DOCK3: variants seen among roughly 807,000 people sequenced by gnomAD.
DOCK3 encodes the protein dedicator of cytokinesis 3, also known as dedicator of cytokinesis protein 3.
DOCK3 carries 60 observed loss-of-function variants against 265.6 expected under a neutral mutation model. That is an observed-to-expected ratio of 0.23 (90% CI 0.18 to 0.28). The LOEUF is 0.28. DOCK3 is among the 10% of genes least tolerant of loss of function. The pLI is 1.00. For synonymous variants in DOCK3, 881 were observed against 938.0 expected, an observed-to-expected ratio of 0.94 and a Z score of 1.11; for missense variants, 1,981 against 2,594.3, an observed-to-expected ratio of 0.76 and a Z score of 5.14.
At chr3:51,217,171 G>A (rs1021756110) in intron 14 of DOCK3, among the ~76,000 whole-genome samples, 1 of 149,256 alleles carries the variant, frequency 6.7e-6, no homozygotes, top group Non-Finnish European at 1.5e-5. Context: ...TTTTTGGTCA[G>A]GATGGCCCAG....
chr3:50,731,636 A>C (rs1217635219), intron 1 of DOCK3, among the ~76,000 whole-genome samples: 1 of 152,236 alleles, frequency 6.6e-6, no homozygotes, highest in Non-Finnish European at 1.5e-5. Context: ...ATCTTAGTAT[A>C]TGCAGAAAAA....
chr3:51,002,695 A>G (rs1159180616), intron 5 of DOCK3, among the ~76,000 whole-genome samples: 9 of 152,186 alleles, frequency 5.9e-5, no homozygotes, highest in African/African-American at 1.4e-4. Flanking sequence ...GACAAATTCA[A>G]TTTGTTAAAA....
At chr3:50,897,542 G>A (rs997441608) in intron 4 of DOCK3, among the ~76,000 whole-genome samples, 4 of 151,212 alleles carry the variant, frequency 2.6e-5, no homozygotes, top group African/African-American at 9.9e-5. Context: ...GTGAGAGAGG[G>A]CATCCTTGTC....
At chr3:51,073,646 G>T (rs956463486) in intron 6 of DOCK3, among the ~76,000 whole-genome samples, 3 of 151,880 alleles carry the variant, frequency 2.0e-5, no homozygotes, top group African/African-American at 7.3e-5. Context: ...TAAAACTGTG[G>T]GTTATTTTTA....
intron 5 of DOCK3, among the ~76,000 whole-genome samples, chr3:51,021,111 T>C (rs765632552): frequency 2.0e-5 from 3 of 151,994 alleles, no homozygotes; most frequent in Non-Finnish European, 4.4e-5. Flanking sequence ...GCATGGAATA[T>C]TTTTCCATTT....
intron 51 of DOCK3, among the ~76,000 whole-genome samples, chr3:51,378,793 T>C (rs1372603040): frequency 1.3e-5 from 2 of 152,250 alleles, no homozygotes; most frequent in African/African-American, 4.8e-5. Context: ...GACAGTATTC[T>C]GGCAGTGGAC....
chr3:51,249,395 CG>C, intron 22 of DOCK3, among the ~76,000 whole-genome samples: 1 of 139,080 alleles, frequency 7.2e-6, no homozygotes, highest in Non-Finnish European at 1.6e-5. Context: ...GCCCCCCGCC[CG>C]GCCAGCCGCC....
intron 11 of DOCK3, among the ~76,000 whole-genome samples, chr3:51,160,098 A>G (rs1045442448): frequency 1.3e-5 from 2 of 152,218 alleles, no homozygotes; most frequent in Non-Finnish European, 2.9e-5. Flanking sequence ...TCAGTCCCAC[A>G]ATTGTTCAAG....
chr3:50,715,281 C>A (rs760861176), intron 1 of DOCK3, among the ~76,000 whole-genome samples: 1 of 152,104 alleles, frequency 6.6e-6, no homozygotes, highest in Admixed American at 6.5e-5. Flanking sequence ...GGCGTGGTGG[C>A]GGCTCATGCC....
chr3:50,992,543 C>T (rs755734197), intron 5 of DOCK3, among the ~76,000 whole-genome samples: 15 of 152,170 alleles, frequency 9.9e-5, no homozygotes, highest in African/African-American at 1.7e-4. Context: ...GTGATCCGCA[C>T]GCCTCAGCCT....
At chr3:50,940,879 A>G (rs1482465692) in intron 5 of DOCK3, among the ~76,000 whole-genome samples, 1 of 152,190 alleles carries the variant, frequency 6.6e-6, no homozygotes, top group Non-Finnish European at 1.5e-5. Flanking sequence ...TTCATAGGCA[A>G]AAGGAAAAAA....
At chr3:51,054,725 C>T (rs189157160) in intron 5 of DOCK3, among the ~76,000 whole-genome samples, 3 of 152,238 alleles carry the variant, frequency 2.0e-5, no homozygotes, top group African/African-American at 7.2e-5. Context: ...CATTATTTTA[C>T]TGTTTTTTAA....
At chr3:50,761,031 T>C (rs923725286) in intron 1 of DOCK3, among the ~76,000 whole-genome samples, 8 of 152,186 alleles carry the variant, frequency 5.3e-5, no homozygotes, top group Middle Eastern at 3.4e-3. Flanking sequence ...CTGCCTGCCT[T>C]GGCTTCCCAA....
chr3:50,985,813 A>C (rs985975235), intron 5 of DOCK3, among the ~76,000 whole-genome samples: 1 of 151,584 alleles, frequency 6.6e-6, no homozygotes, highest in Non-Finnish European at 1.5e-5. Flanking sequence ...TTTAAATTTA[A>C]ATTTATTTAT....
rs185684525 is a variant in DOCK3 at position 50,928,446 on chromosome 3, G to T, written c.219-5535G>T. On this transcript the variant is annotated intron_variant, in intron 4 of 52. Transcript: ENST00000266037. ...TATTTCACTAGCATAGTGCTTTCAT[G>T]ATTCATCTATGTTGTAGAATGTATT... is the stretch of plus-strand genomic sequence containing the variant. Among the ~76,000 whole-genome samples the T allele has an allele frequency of 1.9e-4, 29 of 152,194 alleles. No individual in the cohort carries two copies. In the East Asian group the frequency reaches 5.0e-3, roughly 26 times the overall value.
At chr3:50,908,534 A>T (rs988762695) in intron 4 of DOCK3, among the ~76,000 whole-genome samples, 1 of 152,058 alleles carries the variant, frequency 6.6e-6, no homozygotes, top group Non-Finnish European at 1.5e-5. Context: ...TGAGGGTTGG[A>T]GTGAGTGTCT....
intron 9 of DOCK3, among the ~76,000 whole-genome samples, chr3:51,098,095 T>C (rs4317135): frequency 0.9 from 137,155 of 152,224 alleles, 61,986 homozygotes; most frequent in African/African-American, 0.95. Context: ...TTTGCTCTTT[T>C]GCCCAGACTG....
chr3:51,110,694 A>G (rs953328150), intron 9 of DOCK3, among the ~76,000 whole-genome samples: 9 of 152,232 alleles, frequency 5.9e-5, no homozygotes, highest in Non-Finnish European at 1.2e-4. Flanking sequence ...CCTCAAAATA[A>G]TAAGAGCCAT....
chr3:51,345,548 AG>A (rs2110134213), intron 38 of DOCK3, among the ~76,000 whole-genome samples: 1 of 152,290 alleles, frequency 6.6e-6, no homozygotes, highest in Non-Finnish European at 1.5e-5. Flanking sequence ...CTTGAGCCCA[AG>A]CATTCAAGGT....
Sources: allele counts gnomAD v4.1 joint callset (sites outside exome capture counted in the v4.1 genomes callset), GRCh38; gene constraint gnomAD v4.1.1; transcripts MANE v1.5; gene names NCBI Gene and HGNC (gene_info 2026-07-23, HGNC 2026-07-21).